The following PDLIM5 variants were observed in gnomAD, a reference collection of about 807,000 sequenced individuals.
PDLIM5 encodes the protein PDZ and LIM domain protein 5.
PDLIM5 carries 34 observed loss-of-function variants against 64.2 expected under a neutral mutation model. That is an observed-to-expected ratio of 0.53 (90% confidence interval 0.40 to 0.71). PDLIM5 has a LOEUF of 0.71. PDLIM5 is among the 30% of genes least tolerant of loss of function. PDLIM5 has a pLI of 0.00. For synonymous variants in PDLIM5, 253 were observed against 269.1 expected (o/e 0.94, Z 0.59); for missense variants, 683 against 733.6 (o/e 0.93, Z 0.80).
intron 2 of PDLIM5, among the ~76,000 whole-genome samples, chr4:94,514,405 A>ATTG (rs1053691921): frequency 6.6e-6 from 1 of 151,940 alleles, no homozygotes; most frequent in African/African-American, 2.4e-5. Flanking sequence ...AAGTGCTGGG[A>ATTG]TTACAGGCGT....
In PDLIM5 at chr4:94,618,130, C is replaced by G. The variant is rs775759006; in HGVS notation, c.1047C>G (p.Phe349Leu). The change falls in exon 8 of 13, where the codon TTC (phenylalanine) becomes TTG (leucine). Residue 349 changes from phenylalanine to leucine, a missense_variant. Transcript: ENST00000317968. ...CCAGCCTCACAGCTGCAGCTGCCTT[C>G]AAGCCTGTAGGATCCACTGGCGTCA... ...GVTSLTAAAA[F>L]KPVGSTGVIK... The G allele has an allele frequency of 1.5e-5, 24 of 1,612,276 alleles. No individual in the cohort carries two copies. The highest frequency in any genetic ancestry group is 2.0e-5 in the Non-Finnish European group (24 of 1,179,202).
chr4:94,478,501 G>A (rs1422864371), intron 2 of PDLIM5, among the ~76,000 whole-genome samples: 1 of 152,134 alleles, frequency 6.6e-6, no homozygotes, highest in East Asian at 1.9e-4. Context: ...AGTCTTTCAT[G>A]AACCTCCTTA....
chr4:94,533,295 G>GT lies in PDLIM5; in HGVS notation c.248+9429dup, dbSNP rs912195111. Among the ~76,000 whole-genome samples the GT allele has an allele frequency of 1.2e-4, 18 of 151,532 alleles. No homozygotes were observed. The East Asian group carries it at 2.1e-3, about 18-fold the overall frequency. On this transcript the variant is annotated intron_variant, in intron 3 of 12. Transcript: ENST00000317968. ...TTCACTTTGACTTTACATCTTGAAA[G>GT]TTTTTTTTTAACATATGAAAGTCTT... is the stretch of plus-strand genomic sequence containing the variant.
At chr4:94,467,192 T>C (rs1439864709) in intron 2 of PDLIM5, among the ~76,000 whole-genome samples, 3 of 152,240 alleles carry the variant, frequency 2.0e-5, no homozygotes, top group Non-Finnish European at 2.9e-5. Flanking sequence ...TCCCAGTACA[T>C]GTTCAGTAAC....
chr4:94,458,080 TA>T (rs1723538749), intron 2 of PDLIM5, among the ~76,000 whole-genome samples: 1 of 152,204 alleles, frequency 6.6e-6, no homozygotes, highest in Admixed American at 6.5e-5. Context: ...TTGTGTGGTT[TA>T]AATATGCCTA....
chr4:94,523,117 G>A (rs1055761810), intron 2 of PDLIM5, among the ~76,000 whole-genome samples: 1 of 152,146 alleles, frequency 6.6e-6, no homozygotes, highest in Non-Finnish European at 1.5e-5. Flanking sequence ...CAAAAAAGTT[G>A]GGTTGTCTCA....
chr4:94,500,072 C>T (rs1160591441), intron 2 of PDLIM5, among the ~76,000 whole-genome samples: 1 of 152,120 alleles, frequency 6.6e-6, no homozygotes, highest in Admixed American at 6.5e-5. Context: ...GTCTTGGAAC[C>T]AATCCCCTGA....
intron 2 of PDLIM5, among the ~76,000 whole-genome samples, chr4:94,474,757 C>G (rs1725177356): frequency 6.6e-6 from 1 of 152,178 alleles, no homozygotes; most frequent in Non-Finnish European, 1.5e-5. Context: ...TCAAGGGATT[C>G]TCCCACCTCA....
intron 8 of PDLIM5, among the ~76,000 whole-genome samples, chr4:94,619,406 C>T (rs1427380470): frequency 1.3e-5 from 2 of 151,240 alleles, no homozygotes; most frequent in African/African-American, 2.4e-5. Context: ...TTTGGGAGGC[C>T]GAGGCCGGCG....
intron 5 of PDLIM5, among the ~76,000 whole-genome samples, chr4:94,579,985 C>T (rs1363755317): frequency 6.6e-6 from 1 of 152,106 alleles, no homozygotes. Context: ...ATGTTGCTGG[C>T]AGGTTCAGAC....
At chr4:94,552,362 A>G (rs1230447393) in intron 3 of PDLIM5, among the ~76,000 whole-genome samples, 1 of 152,184 alleles carries the variant, frequency 6.6e-6, no homozygotes. Flanking sequence ...TGTGGGCAAC[A>G]TTCTTGTGGT....
At chr4:94,497,997 GTT>G (rs199648697) in intron 2 of PDLIM5, among the ~76,000 whole-genome samples, 2 of 152,260 alleles carry the variant, frequency 1.3e-5, no homozygotes, top group Admixed American at 1.3e-4. Flanking sequence ...TACAGTTGTT[GTT>G]GGAAAATCCT....
Position 94,584,656 on chromosome 4 carries a change from C to G in PDLIM5, c.711-909C>G, listed in dbSNP as rs543103024. On this transcript the variant is annotated intron_variant, in intron 5 of 12. Coordinates refer to ENST00000317968, the MANE Select transcript of PDLIM5 (RefSeq NM_006457.5). ...TGAGAAAACTGTAGAAATAATAGTT[C>G]GGACCCTTTTCAAAATTGTATTCGG... 7.6e-4 allele frequency: 203 copies of G among 267,672 alleles called. 7 individuals are homozygous for G. In the Admixed American group the frequency reaches 0.01, roughly 14 times the overall value. 16.6% of individuals were successfully genotyped at this position (267,672 alleles called of 1,614,324 possible).
intron 11 of PDLIM5, among the ~76,000 whole-genome samples, chr4:94,658,978 C>T (rs1310217178): frequency 6.6e-6 from 1 of 152,172 alleles, no homozygotes; most frequent in African/African-American, 2.4e-5. Flanking sequence ...TGGCAGGTAG[C>T]CCATATCTAG....
intron 2 of PDLIM5, among the ~76,000 whole-genome samples, chr4:94,472,525 T>G (rs1724972740): frequency 6.6e-6 from 1 of 152,186 alleles, no homozygotes; most frequent in African/African-American, 2.4e-5. Context: ...GTAAGTGGAA[T>G]GAATGTAGAC....
At chr4:94,645,181 A>G (rs1440481740) in intron 9 of PDLIM5, among the ~76,000 whole-genome samples, 1 of 152,198 alleles carries the variant, frequency 6.6e-6, no homozygotes, top group Non-Finnish European at 1.5e-5. Flanking sequence ...TTGGTTTTCC[A>G]TTCCTGAGTT....
intron 2 of PDLIM5, among the ~76,000 whole-genome samples, chr4:94,472,733 A>G (rs1724989675): frequency 6.6e-6 from 1 of 152,192 alleles, no homozygotes; most frequent in Admixed American, 6.5e-5. Flanking sequence ...GTATGTTGTC[A>G]CACTGGTTAC....
intron 9 of PDLIM5, among the ~76,000 whole-genome samples, chr4:94,641,552 C>G (rs1741007039): frequency 6.6e-6 from 1 of 152,106 alleles, no homozygotes; most frequent in Non-Finnish European, 1.5e-5. Context: ...CATAGAAACA[C>G]AGAAAACAAA....
Position 94,664,532 on chromosome 4 carries a change from T to C in PDLIM5, c.*465T>C, listed in dbSNP as rs867137769. 8.7e-5 allele frequency: 69 copies of C among 796,592 alleles called. No homozygotes were observed. In the Middle Eastern group the frequency reaches 3.2e-3, roughly 37 times the overall value. The allele number at this position is 796,592 out of a possible 1,614,324, so 49.3% of individuals were successfully genotyped here. A position where few individuals can be genotyped will look rare whatever the true frequency, so the allele number is the denominator to read the frequency against. On this transcript the variant is annotated 3_prime_UTR_variant, in exon 13 of 13. Coordinates refer to ENST00000317968, the MANE Select transcript of PDLIM5 (RefSeq NM_006457.5). ...CTTATCTTTAAAATAGTAAATAGGA[T>C]TTTAAACAGAGAATTTTATCAGTAA... is the stretch of plus-strand genomic sequence containing the variant.
Sources: gnomAD v4.1 joint callset for allele counts (sites outside exome capture counted in the v4.1 genomes callset) on GRCh38, gnomAD v4.1.1 for gene constraint, MANE v1.5 for transcripts, NCBI Gene and HGNC (gene_info 2026-07-23, HGNC 2026-07-21) for gene names.